DCDC2C: variants seen among roughly 807,000 people sequenced by gnomAD.
DCDC2C encodes doublecortin domain-containing protein 2C.
Under a neutral mutation model 45.0 loss-of-function variants are expected in DCDC2C, and 44 were observed. That is an observed-to-expected ratio of 0.98 (90% CI 0.77 to 1.26). DCDC2C has a LOEUF of 1.26. Ranked by LOEUF, DCDC2C falls within the 50% of genes most tolerant of loss-of-function variation. DCDC2C has a pLI of 0.00. For missense variants in DCDC2C, 447 were observed against 468.9 expected (o/e 0.95, Z 0.43); for synonymous variants, 187 against 178.8 (o/e 1.05, Z -0.37).
At chr2:3,821,609 T>C (rs1483570640) in intron 10 of DCDC2C, among the ~76,000 whole-genome samples, 1 of 152,236 alleles carries the variant, frequency 6.6e-6, no homozygotes, top group African/African-American at 2.4e-5. Flanking sequence ...TTTTGTAAAA[T>C]GGCTTTTCTG....
chr2:3,747,143 TGCACGCA>T (rs1233105601), intron 4 of DCDC2C, among the ~76,000 whole-genome samples: 2 of 152,160 alleles, frequency 1.3e-5, no homozygotes, highest in Non-Finnish European at 2.9e-5. Context: ...GGGACACACA[TGCACGCA>T]GCACACAGCA....
chr2:3,706,650 A>G (rs7575946), intron 1 of DCDC2C, among the ~76,000 whole-genome samples: 76,359 of 151,976 alleles, frequency 0.5, 19,876 homozygotes, highest in African/African-American at 0.63. Context: ...TGAGACATGA[A>G]TGTGAACATG....
intron 10 of DCDC2C, among the ~76,000 whole-genome samples, chr2:3,820,519 C>T (rs1217340488): frequency 1.3e-5 from 2 of 152,122 alleles, no homozygotes; most frequent in Admixed American, 6.5e-5. Flanking sequence ...AGGCAGGCAG[C>T]CCCGTGGTGA....
intron 9 of DCDC2C, among the ~76,000 whole-genome samples, chr2:3,779,375 G>A (rs12986995): frequency 0.22 from 33,972 of 152,180 alleles, 3,945 homozygotes; most frequent in South Asian, 0.36. Context: ...ACGCTTGGCA[G>A]TGTGGGTTCT....
At chr2:3,736,362 A>G (rs969193464) in intron 3 of DCDC2C, among the ~76,000 whole-genome samples, 1 of 152,216 alleles carries the variant, frequency 6.6e-6, no homozygotes, top group Admixed American at 6.5e-5. Context: ...CCCCTGGTGA[A>G]GGTGGGTGAC....
intron 10 of DCDC2C, among the ~76,000 whole-genome samples, chr2:3,792,799 C>G (rs1314637055): frequency 1.3e-5 from 2 of 152,106 alleles, no homozygotes; most frequent in African/African-American, 4.8e-5. Context: ...CTCCGATGAG[C>G]AATTTAAGGA....
intron 10 of DCDC2C, among the ~76,000 whole-genome samples, chr2:3,807,878 G>GT (rs1327782069): frequency 3.8e-4 from 58 of 152,316 alleles, no homozygotes; most frequent in African/African-American, 1.0e-3. Context: ...TCACCCATCT[G>GT]TGTGCACAAC....
intron 3 of DCDC2C, among the ~76,000 whole-genome samples, chr2:3,736,635 C>G (rs1011487824): frequency 1.3e-5 from 2 of 152,192 alleles, no homozygotes; most frequent in African/African-American, 2.4e-5. Context: ...CCCAAAAGAG[C>G]CCATGGTTTC....
Position 3,837,621 on chromosome 2 carries a change from G to GGTAC in DCDC2C, c.1066-9533_1066-9532insGTAC, listed in dbSNP as rs1672113446. 2.9e-5 allele frequency among the ~76,000 whole-genome samples: 3 copies of GGTAC among 103,140 alleles called. 1 individual carries two copies. Among genetic ancestry groups the GGTAC allele is most frequent in the Non-Finnish European group, 2.3e-5 (1 of 43,462 alleles). The allele number at this position is 103,140 out of a possible 152,430, so 67.7% of individuals were successfully genotyped here. A position where few individuals can be genotyped will look rare whatever the true frequency, so the allele number is the denominator to read the frequency against. On this transcript the variant is annotated intron_variant, in intron 10 of 10. Coordinates refer to ENST00000399143, the MANE Select transcript of DCDC2C (RefSeq NM_001287444.2). ...CTCATCTAAAGGGGAAGAAACTGAG[G>GGTAC]AAGAAATCAGCCTTTGGCTCCCCCT...
chr2:3,797,644 G>T (rs1261831307), intron 10 of DCDC2C, among the ~76,000 whole-genome samples: 1 of 150,736 alleles, frequency 6.6e-6, no homozygotes, highest in African/African-American at 2.4e-5. Flanking sequence ...AGTCATTCAG[G>T]AGCAGGTTGT....
chr2:3,715,896 TG>T (rs1668339958), intron 2 of DCDC2C, among the ~76,000 whole-genome samples: 1 of 152,138 alleles, frequency 6.6e-6, no homozygotes, highest in Admixed American at 6.5e-5. Context: ...AATGTCATGC[TG>T]GGGGCTGTTT....
intron 10 of DCDC2C, among the ~76,000 whole-genome samples, chr2:3,805,804 T>C (rs148564816): frequency 2.0e-5 from 3 of 152,370 alleles, no homozygotes; most frequent in African/African-American, 4.8e-5. Context: ...ACTTGTCTCA[T>C]TTTTAAGCAA....
intron 8 of DCDC2C, among the ~76,000 whole-genome samples, chr2:3,771,922 G>C (rs1670183597): frequency 6.6e-6 from 1 of 152,180 alleles, no homozygotes; most frequent in African/African-American, 2.4e-5. Context: ...GGACGGTTTG[G>C]CCCTAATATT....
At chr2:3,814,782 G>A (rs1186049628) in intron 10 of DCDC2C, among the ~76,000 whole-genome samples, 2 of 152,264 alleles carry the variant, frequency 1.3e-5, no homozygotes. Context: ...GCCCAATGAG[G>A]AAGGATGGGT....
chr2:3,763,518 C>T (rs1461343793), intron 6 of DCDC2C, among the ~76,000 whole-genome samples: 1 of 152,218 alleles, frequency 6.6e-6, no homozygotes, highest in African/African-American at 2.4e-5. Context: ...CCTTGTTCAG[C>T]TCTGTGTCAC....
At chr2:3,765,368 C>T (rs768467872) in intron 6 of DCDC2C, among the ~76,000 whole-genome samples, 5 of 152,224 alleles carry the variant, frequency 3.3e-5, no homozygotes, top group Admixed American at 6.5e-5. Context: ...TCAAAGAGAC[C>T]GTTGAGGTGA....
intron 7 of DCDC2C, among the ~76,000 whole-genome samples, chr2:3,768,649 C>T (rs1670075715): frequency 6.6e-6 from 1 of 152,228 alleles, no homozygotes; most frequent in Non-Finnish European, 1.5e-5. Flanking sequence ...TCTCAGCTCA[C>T]TGCAACCTCT....
chr2:3,731,960 G>A (rs1184913932), intron 3 of DCDC2C, among the ~76,000 whole-genome samples: 1 of 152,044 alleles, frequency 6.6e-6, no homozygotes, highest in Non-Finnish European at 1.5e-5. Context: ...TTATGAAGGG[G>A]GTCTCAGTTT....
intron 10 of DCDC2C, among the ~76,000 whole-genome samples, chr2:3,800,217 C>T (rs1224322895): frequency 2.0e-5 from 3 of 152,202 alleles, no homozygotes; most frequent in African/African-American, 7.2e-5. Flanking sequence ...ATGCCTCGCC[C>T]TGCTTCAGCT....
Sources: allele counts gnomAD v4.1 joint callset (sites outside exome capture counted in the v4.1 genomes callset), GRCh38; gene constraint gnomAD v4.1.1; transcripts MANE v1.5; gene names NCBI Gene and HGNC (gene_info 2026-07-23, HGNC 2026-07-21).